The following ZFHX3 variants were observed in gnomAD, a reference collection of about 807,000 sequenced individuals.
ZFHX3 encodes the protein zinc finger homeobox 3.
In ZFHX3, 42 loss-of-function variants were observed where a neutral mutation model predicts 279.1. The ratio of observed to expected loss-of-function variants is 0.15; its 90% CI spans 0.12 to 0.19. ZFHX3 has a LOEUF of 0.19. Among genes scored for constraint, ZFHX3 ranks in the 10% least tolerant of loss-of-function variants. The pLI, the probability that ZFHX3 is intolerant of heterozygous loss-of-function variation, is 1.00. For synonymous variants in ZFHX3, 2,293 were observed against 1,957.8 expected, an observed-to-expected ratio of 1.17 and a Z score of -4.52; for missense variants, 4,981 against 4,754.0, an observed-to-expected ratio of 1.05 and a Z score of -1.40.
chr16:73,617,769 T>C (rs1056343976), intron 2 of ZFHX3, among the ~76,000 whole-genome samples: 2 of 152,130 alleles, frequency 1.3e-5, no homozygotes, highest in Non-Finnish European at 2.9e-5. Flanking sequence ...AATGTTAACT[T>C]GTTTTTTTTT....
At chr16:72,923,940 T>C (rs1959292080) in intron 3 of ZFHX3, among the ~76,000 whole-genome samples, 1 of 152,202 alleles carries the variant, frequency 6.6e-6, no homozygotes, top group African/African-American at 2.4e-5. Flanking sequence ...CACAACACGA[T>C]TACTCATTAC....
intron 1 of ZFHX3, among the ~76,000 whole-genome samples, chr16:72,986,988 C>T (rs915019379): frequency 6.6e-5 from 10 of 152,076 alleles, no homozygotes; most frequent in Admixed American, 4.6e-4. Context: ...CCCACCTCTA[C>T]GAAAAACACA....
At chr16:72,807,131 A>AATTT (rs2036289832) in intron 7 of ZFHX3, 6 of 152,212 alleles carry the variant, frequency 3.9e-5, no homozygotes, top group Non-Finnish European at 8.8e-5. Context: ...AAATAAGGGC[A>AATTT]CCGAGCAGCA....
intron 1 of ZFHX3, among the ~76,000 whole-genome samples, chr16:73,721,634 G>A (rs902181628): frequency 6.6e-6 from 1 of 152,188 alleles, no homozygotes; most frequent in African/African-American, 2.4e-5. Context: ...TCCCAAAGAT[G>A]CAGGCAAGGA....
chr16:73,288,405 T>C (rs2014683496), intron 4 of ZFHX3, among the ~76,000 whole-genome samples: 1 of 152,172 alleles, frequency 6.6e-6, no homozygotes, highest in South Asian at 2.1e-4. Context: ...TGAGACCTCC[T>C]TGCTGATGGG....
At chr16:73,428,417 C>G (rs1874069809) in intron 3 of ZFHX3, among the ~76,000 whole-genome samples, 1 of 152,160 alleles carries the variant, frequency 6.6e-6, no homozygotes, top group Non-Finnish European at 1.5e-5. Flanking sequence ...GGGGCCCTGA[C>G]AATCTTATTA....
At chr16:73,391,701 G>T (rs959700239) in intron 3 of ZFHX3, among the ~76,000 whole-genome samples, 1 of 152,074 alleles carries the variant, frequency 6.6e-6, no homozygotes, top group African/African-American at 2.4e-5. Context: ...GGACAGGGAG[G>T]GACATCTGGA....
chr16:73,632,456 G>A (rs2052483329), intron 2 of ZFHX3, among the ~76,000 whole-genome samples: 1 of 152,060 alleles, frequency 6.6e-6, no homozygotes, highest in Non-Finnish European at 1.5e-5. Flanking sequence ...GCTGGGGCAG[G>A]CGGATCATGA....
intron 4 of ZFHX3, among the ~76,000 whole-genome samples, chr16:73,278,424 G>A (rs1259851678): frequency 1.3e-5 from 2 of 152,166 alleles, no homozygotes; most frequent in African/African-American, 2.4e-5. Context: ...CACTGGGTTC[G>A]TGGTCTCGCT....
At chr16:73,859,505 T>C (rs552572675) in intron 1 of ZFHX3, among the ~76,000 whole-genome samples, 7 of 152,202 alleles carry the variant, frequency 4.6e-5, no homozygotes, top group Admixed American at 1.3e-4. Context: ...AGTAAGTCAT[T>C]GCATTTCTCC....
chr16:73,707,783 A>T (rs1418632461), intron 1 of ZFHX3, among the ~76,000 whole-genome samples: 1 of 151,966 alleles, frequency 6.6e-6, no homozygotes, highest in South Asian at 2.1e-4. Context: ...ACAAAACTAC[A>T]TGCCATTTAA....
chr16:72,945,927 C>G (rs532064713), intron 3 of ZFHX3, among the ~76,000 whole-genome samples: 1 of 152,270 alleles, frequency 6.6e-6, no homozygotes, highest in Non-Finnish European at 1.5e-5. Context: ...CCCCAGCACA[C>G]CCACAGAGGA....
chr16:73,846,667 T>G (rs767634717), intron 1 of ZFHX3, among the ~76,000 whole-genome samples: 2 of 152,192 alleles, frequency 1.3e-5, no homozygotes, highest in Non-Finnish European at 2.9e-5. Flanking sequence ...CCTTGCTACT[T>G]ACTTGTGCAT....
intron 8 of ZFHX3, among the ~76,000 whole-genome samples, chr16:72,799,646 G>T (rs1250398623): frequency 6.6e-6 from 1 of 152,160 alleles, no homozygotes; most frequent in African/African-American, 2.4e-5. Context: ...AACTAATCCA[G>T]TGTACCTAAA....
chr16:73,522,822 A>G (rs2019629219), intron 2 of ZFHX3, among the ~76,000 whole-genome samples: 1 of 152,192 alleles, frequency 6.6e-6, no homozygotes, highest in African/African-American at 2.4e-5. Flanking sequence ...GGGAGGCCTC[A>G]GGAAACTTAC....
chr16:73,429,169 A>C (rs889789147), intron 3 of ZFHX3, among the ~76,000 whole-genome samples: 4 of 151,814 alleles, frequency 2.6e-5, no homozygotes, highest in Non-Finnish European at 5.9e-5. Flanking sequence ...CAATCACCCT[A>C]CTCTGGGGAT....
At chr16:73,375,888 T>C (rs544690049) in intron 3 of ZFHX3, among the ~76,000 whole-genome samples, 9 of 152,356 alleles carry the variant, frequency 5.9e-5, no homozygotes, top group Admixed American at 3.9e-4. Flanking sequence ...TTTAGATGGA[T>C]CCTTCTCTGT....
At chr16:73,719,887 C>T (rs1193009267) in intron 1 of ZFHX3, among the ~76,000 whole-genome samples, 1 of 151,222 alleles carries the variant, frequency 6.6e-6, no homozygotes, top group Non-Finnish European at 1.5e-5. Context: ...CCTGCCTCCG[C>T]CTCCTAAAGT....
intron 3 of ZFHX3, among the ~76,000 whole-genome samples, chr16:73,431,357 T>C (rs1250388354): frequency 6.6e-6 from 1 of 151,960 alleles, no homozygotes; most frequent in Non-Finnish European, 1.5e-5. Context: ...ACGATCAATA[T>C]GGTAAAACCC....
Sources: gnomAD v4.1 joint callset for allele counts (sites outside exome capture counted in the v4.1 genomes callset) on GRCh38, gnomAD v4.1.1 for gene constraint, MANE v1.5 for transcripts, NCBI Gene and HGNC (gene_info 2026-07-23, HGNC 2026-07-21) for gene names.